GULP1: variants seen among roughly 807,000 people sequenced by gnomAD.
The protein encoded by GULP1 is GULP PTB domain containing engulfment adaptor 1, also known as PTB domain-containing engulfment adapter protein 1.
Under a neutral mutation model 40.9 loss-of-function variants are expected in GULP1, and 19 were observed. The ratio of observed to expected loss-of-function variants is 0.46; its 90% CI spans 0.32 to 0.68. GULP1 has a LOEUF of 0.68. GULP1 is among the 30% of genes least tolerant of loss of function. The probability of loss-of-function intolerance (pLI) is 0.03; values close to 1 mark genes in which losing one functional copy is unlikely to be tolerated. For synonymous variants in GULP1, 119 were observed against 117.6 expected (o/e 1.01, Z -0.08); for missense variants, 312 against 362.2 (o/e 0.86, Z 1.12).
At chr2:188,544,469 A>G (rs931733508) in intron 7 of GULP1, among the ~76,000 whole-genome samples, 12 of 151,976 alleles carry the variant, frequency 7.9e-5, no homozygotes, top group African/African-American at 2.2e-4. Flanking sequence ...GCACAACAAT[A>G]TGGCACATGT....
chr2:188,301,940 A>G (rs1574235806), intron 1 of GULP1, among the ~76,000 whole-genome samples: 1 of 152,134 alleles, frequency 6.6e-6, no homozygotes, highest in Admixed American at 6.6e-5. Flanking sequence ...ACTCCCTACT[A>G]TATTTCTGGA....
chr2:188,517,102 C>T (rs2153222206), intron 4 of GULP1, among the ~76,000 whole-genome samples: 1 of 152,056 alleles, frequency 6.6e-6, no homozygotes, highest in East Asian at 1.9e-4. Flanking sequence ...TTTTTCAGTG[C>T]ATTTAATAAA....
chr2:188,312,133 T>A (rs560495414), intron 1 of GULP1, among the ~76,000 whole-genome samples: 6 of 152,150 alleles, frequency 3.9e-5, no homozygotes, highest in African/African-American at 9.6e-5. Flanking sequence ...TCTCTTTATG[T>A]TTTTTTCTTT....
intron 6 of GULP1, among the ~76,000 whole-genome samples, chr2:188,538,719 G>A (rs1015395018): frequency 8.0e-5 from 12 of 150,748 alleles, no homozygotes; most frequent in Admixed American, 2.7e-4. Flanking sequence ...GTGTGTGTGT[G>A]TAGTGAGAGA....
chr2:188,371,932 A>G (rs1335384113), intron 1 of GULP1, among the ~76,000 whole-genome samples: 2 of 152,118 alleles, frequency 1.3e-5, no homozygotes, highest in Non-Finnish European at 2.9e-5. Context: ...TCTGATTATT[A>G]TATACTACTG....
At chr2:188,373,756 C>G (rs2047926691) in intron 1 of GULP1, among the ~76,000 whole-genome samples, 1 of 151,896 alleles carries the variant, frequency 6.6e-6, no homozygotes, top group South Asian at 2.1e-4. Context: ...TGGAATAATA[C>G]TATTAAGCTT....
intron 6 of GULP1, among the ~76,000 whole-genome samples, chr2:188,531,776 G>A (rs183414101): frequency 7.9e-5 from 12 of 152,168 alleles, no homozygotes; most frequent in Non-Finnish European, 7.3e-5. Flanking sequence ...GACCAAGGAA[G>A]CAATAAATTA....
At chr2:188,331,228 T>C (rs1170307343) in intron 1 of GULP1, among the ~76,000 whole-genome samples, 1 of 152,178 alleles carries the variant, frequency 6.6e-6, no homozygotes. Flanking sequence ...AAATAATCTC[T>C]TTCAGCCTCT....
intron 7 of GULP1, among the ~76,000 whole-genome samples, chr2:188,552,055 A>G (rs1004351664): frequency 1.3e-5 from 2 of 150,826 alleles, no homozygotes; most frequent in African/African-American, 4.9e-5. Flanking sequence ...AGTTCCTTGT[A>G]TATTCTGGAA....
intron 1 of GULP1, among the ~76,000 whole-genome samples, chr2:188,351,477 G>C (rs759471893): frequency 3.3e-5 from 5 of 152,060 alleles, no homozygotes; most frequent in Admixed American, 1.3e-4. Flanking sequence ...CAAATTTCAA[G>C]TCGCCTACCA....
At chr2:188,480,176 A>T (rs573698498) in intron 3 of GULP1, among the ~76,000 whole-genome samples, 1 of 152,202 alleles carries the variant, frequency 6.6e-6, no homozygotes, top group African/African-American at 2.4e-5. Flanking sequence ...TGAAAAACTT[A>T]AATTGTTTGA....
chr2:188,430,861 C>T lies in GULP1; in HGVS notation c.-44-46798C>T, dbSNP rs139363050. The stretch of plus-strand genomic sequence containing the variant: ...TGTTGGACTGTAGATTATAAGACTC[C>T]CATACCCAGAAAGAAGGAAGTGCTT... On this transcript the variant is annotated intron_variant, in intron 2 of 11. Transcript: ENST00000409830. Among the ~76,000 whole-genome samples the T allele has an allele frequency of 7.7e-3, 1,165 of 152,202 alleles. 23 individuals are homozygous for T. Among genetic ancestry groups the T allele is most frequent in the African/African-American group, 0.027 (1,102 of 41,530 alleles).
intron 2 of GULP1, among the ~76,000 whole-genome samples, chr2:188,433,835 G>A (rs2057148200): frequency 6.6e-6 from 1 of 151,900 alleles, no homozygotes; most frequent in African/African-American, 2.4e-5. Flanking sequence ...ATTTAATTTT[G>A]CTTTATAATT....
At position 188,327,827 on chromosome 2, in the gene GULP1, G is replaced by T. The variant is rs542604661; in HGVS notation, c.-172+35661G>T. Among the ~76,000 whole-genome samples the T allele has an allele frequency of 4.6e-5, 7 of 152,206 alleles. No homozygotes were observed. The East Asian group carries it at 1.4e-3, about 29-fold the overall frequency. On this transcript the variant is annotated intron_variant, in intron 1 of 11. Coordinates refer to ENST00000409830, the MANE Select transcript of GULP1 (RefSeq NM_016315.4). ...AGTGGCATTTTTTGAGGTTGAAAATGATGGAGCACTGACAATTTCACATGG... is the reference window on the plus strand; with the variant it reads ...AGTGGCATTTTTTGAGGTTGAAAATTATGGAGCACTGACAATTTCACATGG...
intron 2 of GULP1, among the ~76,000 whole-genome samples, chr2:188,446,690 GTTTA>G (rs2058414436): frequency 6.6e-6 from 1 of 152,086 alleles, no homozygotes; most frequent in Non-Finnish European, 1.5e-5. Flanking sequence ...TTTTTGACAT[GTTTA>G]TCAAGCAGGA....
intron 4 of GULP1, among the ~76,000 whole-genome samples, chr2:188,493,583 G>T (rs2153105995): frequency 6.6e-6 from 1 of 152,032 alleles, no homozygotes; most frequent in South Asian, 2.1e-4. Context: ...CCAAACATTT[G>T]TCTAGCAGAC....
At chr2:188,462,013 G>A (rs1384805699) in intron 2 of GULP1, among the ~76,000 whole-genome samples, 1 of 151,748 alleles carries the variant, frequency 6.6e-6, no homozygotes. Context: ...TAAGATGCAT[G>A]ATTACATTAT....
chr2:188,518,475 G>A (rs568246437), intron 4 of GULP1, among the ~76,000 whole-genome samples: 62 of 152,192 alleles, frequency 4.1e-4, no homozygotes, highest in South Asian at 1.0e-3. Context: ...CAAGTCAGTC[G>A]TTGGCTAAGG....
chr2:188,480,707 T>A (rs1368244834), intron 3 of GULP1, among the ~76,000 whole-genome samples: 1 of 151,632 alleles, frequency 6.6e-6, no homozygotes, highest in Non-Finnish European at 1.5e-5. Context: ...TTCTTTTAAT[T>A]AAAAAAATTT....
Sources: allele counts gnomAD v4.1 joint callset (sites outside exome capture counted in the v4.1 genomes callset), GRCh38; gene constraint gnomAD v4.1.1; transcripts MANE v1.5; gene names NCBI Gene and HGNC (gene_info 2026-07-23, HGNC 2026-07-21).